CRKL: variants seen among roughly 807,000 people sequenced by gnomAD.
The protein encoded by CRKL is crk-like protein.
A neutral mutation model predicts 23.0 loss-of-function variants in CRKL; 3 were observed. The ratio of observed to expected loss-of-function variants is 0.13; its 90% CI spans 0.06 to 0.34. CRKL has a LOEUF of 0.34. Among genes scored for constraint, CRKL ranks in the 10% least tolerant of loss-of-function variants. The pLI is 1.00. For synonymous variants in CRKL, 188 were observed against 160.7 expected (o/e 1.17, Z -1.28); for missense variants, 256 against 394.5 (o/e 0.65, Z 2.97).
chr22:20,919,190 A>G (rs1386253681), intron 1 of CRKL, among the ~76,000 whole-genome samples: 1 of 152,148 alleles, frequency 6.6e-6, no homozygotes, highest in Non-Finnish European at 1.5e-5. Flanking sequence ...GAAGCAGGCC[A>G]GACACCACCA....
chr22:20,935,262 G>A (rs796302341), intron 2 of CRKL, among the ~76,000 whole-genome samples: 9 of 152,138 alleles, frequency 5.9e-5, no homozygotes, highest in African/African-American at 2.2e-4. Flanking sequence ...ACAGATGCCT[G>A]CCACCATGCC....
rs143533757 is a variant in CRKL, at chr22:20,932,102, C to T, written c.312-1677C>T. 5.9e-3 allele frequency among the ~76,000 whole-genome samples: 899 copies of T among 151,862 alleles called. 7 individuals carry two copies. The highest frequency in any genetic ancestry group is 0.055 in the East Asian group (281 of 5,112). On this transcript the variant is annotated intron_variant, in intron 1 of 2. Transcript: ENST00000354336. ...CTGGGATTACAGGCATGAGCCACTG[C>T]GCCGGCCTCTTATTTATTTATGTTT...
chr22:20,924,985 C>T (rs987597832), intron 1 of CRKL, among the ~76,000 whole-genome samples: 1 of 151,400 alleles, frequency 6.6e-6, no homozygotes, highest in Admixed American at 6.6e-5. Flanking sequence ...GTCAGGAGAT[C>T]AAGACCATCC....
chr22:20,924,764 TG>T (rs967666080), intron 1 of CRKL, among the ~76,000 whole-genome samples: 1 of 152,042 alleles, frequency 6.6e-6, no homozygotes, highest in East Asian at 1.9e-4. Context: ...CACTTGAACC[TG>T]GGGGGTGGAA....
At position 20,953,459 on chromosome 22, in the gene CRKL, T is replaced by A. The variant is rs1436911309; in HGVS notation, c.*3614T>A. 3 of 231,572 alleles carry A rather than the reference T, an allele frequency of 1.3e-5. No individual in the cohort carries two copies. The highest frequency in any genetic ancestry group is 1.2e-4 in the East Asian group (2 of 16,326). The allele number at this position is 231,572 out of a possible 1,614,324, so 14.3% of individuals were successfully genotyped here. On this transcript the variant is annotated 3_prime_UTR_variant, in exon 3 of 3. Transcript: ENST00000354336. ...AACAACAACAACAACAACATAAAACTCTTTTGACCTGTAACTTAAAGATCA... is the reference window on the plus strand; with the variant it reads ...AACAACAACAACAACAACATAAAACACTTTTGACCTGTAACTTAAAGATCA...
In CRKL at chr22:20,933,852, C is replaced by T. The variant is rs2147904689; in HGVS notation, c.385C>T (p.Arg129Trp). 3 of 1,614,112 alleles carry T rather than the reference C, an allele frequency of 1.9e-6. No homozygotes were observed. The highest frequency in any genetic ancestry group is 2.5e-6 in the Non-Finnish European group (3 of 1,180,010). The change falls in exon 2 of 3, where the codon CGG becomes TGG. Residue 129 changes from arginine to tryptophan, a missense_variant. Around this residue, in one of 3 missense-constraint regions of CRKL, gnomAD observed 42 missense variants for 32.7 expected, o/e 1.29. Coordinates refer to ENST00000354336, the MANE Select transcript of CRKL (RefSeq NM_005207.4). ...PTAEDNLEYV[R>W]TLYDFPGNDA... ...AGCAGAAGATAACCTGGAATATGTA[C>T]GGACTCTGTATGATTTTCCTGGGAA...
chr22:20,924,070 C>T (rs1921100743), intron 1 of CRKL, among the ~76,000 whole-genome samples: 1 of 152,044 alleles, frequency 6.6e-6, no homozygotes, highest in South Asian at 2.1e-4. Flanking sequence ...GCCTTTAAGT[C>T]CCAGCTACTT....
intron 1 of CRKL, among the ~76,000 whole-genome samples, chr22:20,930,379 C>CT (rs1397784453): frequency 3.9e-5 from 6 of 152,016 alleles, no homozygotes; most frequent in Admixed American, 6.6e-5. Flanking sequence ...TGGCTATCTT[C>CT]TTTTTTTTGT....
At chr22:20,947,277 A>G (rs560263229) in intron 2 of CRKL, among the ~76,000 whole-genome samples, 2 of 145,856 alleles carry the variant, frequency 1.4e-5, no homozygotes, top group Non-Finnish European at 3.0e-5. Flanking sequence ...AGGTCTCACT[A>G]TGTCACCCAG....
intron 1 of CRKL, among the ~76,000 whole-genome samples, chr22:20,922,960 A>G (rs1921045271): frequency 6.6e-6 from 1 of 152,180 alleles, no homozygotes; most frequent in African/African-American, 2.4e-5. Context: ...GGTGTGAGCC[A>G]CTGCGCCTGG....
chr22:20,945,209 G>A (rs576195158), intron 2 of CRKL, among the ~76,000 whole-genome samples: 1 of 151,838 alleles, frequency 6.6e-6, no homozygotes, highest in African/African-American at 2.4e-5. Context: ...TAGCCAGGAT[G>A]GTCTCGATCT....
intron 1 of CRKL, among the ~76,000 whole-genome samples, chr22:20,923,442 T>A (rs1601673337): frequency 6.6e-6 from 1 of 150,608 alleles, no homozygotes; most frequent in Admixed American, 6.7e-5. Flanking sequence ...CATGCCCGGG[T>A]AACTTTTTGT....
intron 2 of CRKL, among the ~76,000 whole-genome samples, chr22:20,935,339 C>T (rs1421964333): frequency 1.3e-5 from 2 of 151,614 alleles, no homozygotes; most frequent in Non-Finnish European, 2.9e-5. Flanking sequence ...TTTTGAACTC[C>T]TGACCTCAGG....
At chr22:20,937,900 GTC>G (rs1921722479) in intron 2 of CRKL, among the ~76,000 whole-genome samples, 1 of 151,582 alleles carries the variant, frequency 6.6e-6, no homozygotes, top group Admixed American at 6.6e-5. Context: ...TCGAGACTGA[GTC>G]TCTGTCACTC....
chr22:20,921,958 T>C (rs1187361438), intron 1 of CRKL, among the ~76,000 whole-genome samples: 2 of 148,806 alleles, frequency 1.3e-5, no homozygotes, highest in South Asian at 4.3e-4. Context: ...TCCGCCCGCC[T>C]CGGCCTCCCA....
At position 20,918,075 on chromosome 22, in the gene CRKL, CTA is replaced by C. The variant is rs1929757497; in HGVS notation, c.143_144del (p.Tyr48CysfsTer24). The C allele has an allele frequency of 6.2e-7, 1 of 1,614,146 alleles. No homozygotes were observed. The highest frequency in any genetic ancestry group is 8.5e-7 in the Non-Finnish European group (1 of 1,180,056). On this transcript the variant is annotated frameshift_variant, in exon 1 of 3. Coordinates refer to ENST00000354336, the MANE Select transcript of CRKL (RefSeq NM_005207.4). LOFTEE classifies it high-confidence loss of function. ...VRDSSTCPGD[Y>X]VLSVSENSRV... ...GCGATTCTTCCACCTGCCCTGGGGA[CTA>C]TGTGCTGTCGGTGTCCGAGAACTCG...
intron 2 of CRKL, among the ~76,000 whole-genome samples, chr22:20,939,261 GAC>G (rs1224954128): frequency 1.4e-4 from 12 of 87,022 alleles, no homozygotes; most frequent in African/African-American, 5.2e-4. Flanking sequence ...TTTTTTTTGA[GAC>G]AGAGTCTTGC....
At position 20,949,866 on chromosome 22, in the gene CRKL, G is replaced by C. The variant is rs754239104; in HGVS notation, c.*21G>C. 1.9e-6 allele frequency: 3 copies of C among 1,595,954 alleles called. No homozygotes were observed. The highest frequency in any genetic ancestry group is 2.7e-5 in the African/African-American group (2 of 73,776). On this transcript the variant is annotated 3_prime_UTR_variant, in exon 3 of 3. Transcript: ENST00000354336. ...AGTGATTGCTGTTGCCCTGTTTCCT[G>C]CTGCTTTGTTGTTCTGCCTGTCCTA...
intron 1 of CRKL, among the ~76,000 whole-genome samples, chr22:20,930,615 C>T (rs138029924): frequency 0.03 from 4,478 of 149,030 alleles, 88 homozygotes; most frequent in Middle Eastern, 0.069. Context: ...CTCCTGACCT[C>T]AAGTGATCCT....
Sources: gnomAD v4.1 joint callset for allele counts (sites outside exome capture counted in the v4.1 genomes callset) on GRCh38, gnomAD v4.1.1 for gene constraint, gnomAD v4.1.1 regional missense constraint, MANE v1.5 for transcripts, NCBI Gene and HGNC (gene_info 2026-07-23, HGNC 2026-07-21) for gene names.